CLASP1: variants seen among roughly 807,000 people sequenced by gnomAD.
CLASP1 encodes the protein CLIP-associating protein 1.
In CLASP1, 38 loss-of-function variants were observed where a neutral mutation model predicts 192.3. The ratio of observed to expected loss-of-function variants is 0.20; its 90% CI spans 0.15 to 0.26. The LOEUF is 0.26. Ranked by LOEUF, CLASP1 falls within the 10% of genes least tolerant of loss-of-function variation. The probability of loss-of-function intolerance (pLI) is 1.00; values close to 1 mark genes in which losing one functional copy is unlikely to be tolerated. For synonymous variants in CLASP1, 691 were observed against 712.8 expected (o/e 0.97, Z 0.49); for missense variants, 1,433 against 1,932.5 (o/e 0.74, Z 4.85).
At chr2:121,415,335 TG>T (rs1405830105) in intron 23 of CLASP1, among the ~76,000 whole-genome samples, 1 of 152,166 alleles carries the variant, frequency 6.6e-6, no homozygotes, top group African/African-American at 2.4e-5. Flanking sequence ...AGTTACTGAG[TG>T]GATTAAAAGA....
At chr2:121,637,584 G>A (rs554334519) in intron 1 of CLASP1, among the ~76,000 whole-genome samples, 1 of 152,000 alleles carries the variant, frequency 6.6e-6, no homozygotes, top group African/African-American at 2.4e-5. Flanking sequence ...TAAACACAAA[G>A]CTTAAAAAAA....
Position 121,350,743 on chromosome 2 carries a change from T to C in CLASP1, c.4207-2025A>G, listed in dbSNP as rs532657871. 1.3e-4 allele frequency among the ~76,000 whole-genome samples: 20 copies of C among 152,298 alleles called. 1 individual carries two copies. In the South Asian group the frequency reaches 3.7e-3, roughly 28 times the overall value. ...GTGGGTTTTTCACTATGAAGCCCCA[T>C]ATGAGCTTTGGCTACTCACACCCAC... is the stretch of plus-strand genomic sequence containing the variant. On this transcript the variant is annotated intron_variant, in intron 37 of 39. Transcript: ENST00000263710.
At chr2:121,386,492 G>A (rs1020852708) in intron 32 of CLASP1, among the ~76,000 whole-genome samples, 1 of 152,186 alleles carries the variant, frequency 6.6e-6, no homozygotes, top group Non-Finnish European at 1.5e-5. Flanking sequence ...TCTTCTAAAG[G>A]CTCTTGTCAG....
intron 2 of CLASP1, among the ~76,000 whole-genome samples, chr2:121,585,881 C>A (rs971336064): frequency 1.5e-5 from 2 of 136,612 alleles, no homozygotes; most frequent in African/African-American, 5.5e-5. Context: ...GCCTGAGCAA[C>A]AGAGCAAGAC....
At chr2:121,549,407 G>A (rs1440174860) in intron 2 of CLASP1, among the ~76,000 whole-genome samples, 1 of 152,052 alleles carries the variant, frequency 6.6e-6, no homozygotes, top group African/African-American at 2.4e-5. Context: ...ATACATATAT[G>A]CACCCCAACA....
chr2:121,530,975 C>G lies in CLASP1; in HGVS notation c.196-650G>C, dbSNP rs538424742. On this transcript the variant is annotated intron_variant, in intron 2 of 39. Transcript: ENST00000263710. ...AACAACACACCCGCATCAACTAGAG[C>G]TTTTGCTTTATTTTGGTGCAATTTT... 9.3e-5 allele frequency: 65 copies of G among 700,418 alleles called. No individual in the cohort carries two copies. Among genetic ancestry groups the G allele is most frequent in the Middle Eastern group, 3.7e-4 (1 of 2,738 alleles). 43.4% of individuals were successfully genotyped at this position (700,418 alleles called of 1,614,324 possible). A position where few individuals can be genotyped will look rare whatever the true frequency, so the allele number is the denominator to read the frequency against.
intron 30 of CLASP1, among the ~76,000 whole-genome samples, chr2:121,394,716 C>T (rs1257792981): frequency 6.6e-6 from 1 of 152,138 alleles, no homozygotes; most frequent in Non-Finnish European, 1.5e-5. Flanking sequence ...CCCTTCTCTA[C>T]TAAAAATACA....
chr2:121,421,756 T>G (rs1458746167), intron 22 of CLASP1, among the ~76,000 whole-genome samples: 1 of 152,144 alleles, frequency 6.6e-6, no homozygotes, highest in Non-Finnish European at 1.5e-5. Context: ...GTGGTCAGGC[T>G]GGTCTCCAAC....
chr2:121,437,019 C>T lies in CLASP1; in HGVS notation c.1913-6842G>A, dbSNP rs553407572. ...CTCTGTTGTCCTGACTGGAGTACAG[C>T]GGTTATGATCACAGCTCACTGCAGC... On this transcript the variant is annotated intron_variant, in intron 19 of 39. Transcript: ENST00000263710. Among the ~76,000 whole-genome samples, 17 of 152,106 alleles carry T rather than the reference C, an allele frequency of 1.1e-4. No individual in the cohort carries two copies. The East Asian group carries it at 2.9e-3, about 26-fold the overall frequency.
At chr2:121,545,218 T>A (rs1242139356) in intron 2 of CLASP1, among the ~76,000 whole-genome samples, 1 of 152,076 alleles carries the variant, frequency 6.6e-6, no homozygotes, top group Non-Finnish European at 1.5e-5. Flanking sequence ...CCGGCCTGGG[T>A]ACCTAATTAA....
chr2:121,477,452 C>T (rs1166249294), intron 8 of CLASP1, among the ~76,000 whole-genome samples: 1 of 152,072 alleles, frequency 6.6e-6, no homozygotes, highest in Non-Finnish European at 1.5e-5. Flanking sequence ...AATGTATATC[C>T]TTCTTTCCTG....
chr2:121,437,651 C>T (rs1401994164), intron 19 of CLASP1, among the ~76,000 whole-genome samples: 1 of 152,156 alleles, frequency 6.6e-6, no homozygotes, highest in Non-Finnish European at 1.5e-5. Flanking sequence ...TAACCAGCAC[C>T]AGAGTTAAGA....
At chr2:121,546,064 A>G (rs1194440819) in intron 2 of CLASP1, among the ~76,000 whole-genome samples, 1 of 152,146 alleles carries the variant, frequency 6.6e-6, no homozygotes, top group Non-Finnish European at 1.5e-5. Context: ...GTACTTTCCA[A>G]CCATGGATTT....
chr2:121,458,241 C>T (rs1482490888), intron 13 of CLASP1, among the ~76,000 whole-genome samples: 1 of 152,158 alleles, frequency 6.6e-6, no homozygotes, highest in East Asian at 1.9e-4. Context: ...CTCAAAGTTT[C>T]AAGAGCTGCC....
At chr2:121,581,489 T>C (rs1021899055) in intron 2 of CLASP1, among the ~76,000 whole-genome samples, 5 of 151,808 alleles carry the variant, frequency 3.3e-5, no homozygotes, top group Admixed American at 2.6e-4. Context: ...TTAGCCAGGA[T>C]GGTCTCGATC....
intron 26 of CLASP1, chr2:121,403,859 T>G: frequency 2.2e-6 from 1 of 453,018 alleles, no homozygotes; most frequent in South Asian, 1.6e-5. Flanking sequence ...GTGATCCCCG[T>G]TCAGCAAATT....
rs975550524 is a variant in CLASP1 at position 121,394,487 on chromosome 2, A to G, written c.3123+2653T>C. Among the ~76,000 whole-genome samples the G allele has an allele frequency of 2.0e-5, 3 of 152,140 alleles. No homozygotes were observed. In the South Asian group the frequency reaches 6.2e-4, roughly 32 times the overall value. On this transcript the variant is annotated intron_variant, in intron 30 of 39. Transcript: ENST00000263710. ...AAATGAGCTGTTAATCTTATTGAGG[A>G]ACTTGTGCATGGGATGAGTTTCTCC...
chr2:121,390,658 G>C (rs961135961), intron 30 of CLASP1, among the ~76,000 whole-genome samples: 1 of 152,192 alleles, frequency 6.6e-6, no homozygotes, highest in African/African-American at 2.4e-5. Context: ...TTCAGTGTTT[G>C]TATTAATTTG....
At chr2:121,377,512 T>C (rs749507352) in exon 34 of CLASP1, 4 of 1,604,348 alleles carry the variant, frequency 2.5e-6, no homozygotes, top group Non-Finnish European at 3.4e-6. Flanking sequence ...ATCACACTCC[T>C]TTTTGCCATC....
Sources: allele counts gnomAD v4.1 joint callset (sites outside exome capture counted in the v4.1 genomes callset), GRCh38; gene constraint gnomAD v4.1.1; transcripts MANE v1.5; gene names NCBI Gene and HGNC (gene_info 2026-07-23, HGNC 2026-07-21).